The following FAM53B variants were observed in gnomAD, a reference collection of about 807,000 sequenced individuals.
FAM53B encodes protein FAM53B.
Under a neutral mutation model 32.7 loss-of-function variants are expected in FAM53B, and 12 were observed. The observed-to-expected ratio is 0.37, with a 90% CI of 0.24 to 0.59. The LOEUF (loss-of-function observed/expected upper bound fraction) is 0.59. Ranked by LOEUF, FAM53B falls within the 20% of genes least tolerant of loss-of-function variation. The pLI, the probability that FAM53B is intolerant of heterozygous loss-of-function variation, is 0.72. For synonymous variants in FAM53B, 234 were observed against 228.7 expected (o/e 1.02, Z -0.21); for missense variants, 477 against 577.7 (o/e 0.83, Z 1.79).
chr10:124,634,627 G>A (rs55904011), intron 4 of FAM53B, among the ~76,000 whole-genome samples: 57 of 152,274 alleles, frequency 3.7e-4, no homozygotes, highest in East Asian at 3.1e-3. Flanking sequence ...AGGCCTCCCC[G>A]GCCATGTGGA....
At chr10:124,647,086 C>T (rs1302333654) in intron 4 of FAM53B, among the ~76,000 whole-genome samples, 2 of 152,146 alleles carry the variant, frequency 1.3e-5, no homozygotes, top group African/African-American at 2.4e-5. Context: ...GACTGGTGAG[C>T]GGCACACACT....
At chr10:124,701,657 C>G (rs992096848) in intron 2 of FAM53B, among the ~76,000 whole-genome samples, 2 of 152,206 alleles carry the variant, frequency 1.3e-5, no homozygotes, top group African/African-American at 4.8e-5. Flanking sequence ...TGTTAGAACA[C>G]TGGAAGGAAG....
intron 4 of FAM53B, among the ~76,000 whole-genome samples, chr10:124,626,426 G>A (rs928230457): frequency 1.3e-5 from 2 of 151,282 alleles, no homozygotes; most frequent in East Asian, 2.0e-4. Context: ...GCAAAAGGTG[G>A]GGCCTCTGGG....
In FAM53B at chr10:124,706,644, G is replaced by A. The variant is rs200550066; in HGVS notation, c.70C>T (p.Arg24Cys). 1.5e-4 allele frequency: 238 copies of A among 1,614,172 alleles called. 1 individual carries two copies. The East Asian group carries it at 3.3e-3, about 23-fold the overall frequency. Reference protein sequence around the residue: ...ADSIACGTFSRELHTPKKMSQ... With the variant: ...ADSIACGTFSCELHTPKKMSQ... ...GCCTGCCAGGTCCTCACCAGTTCAC[G>A]GCTGAAGGTCCCACATGCAATGGAG... is the stretch of plus-strand genomic sequence containing the variant. Residue 24 changes from arginine to cysteine, a missense_variant, in exon 2 of 5, where the codon CGT becomes TGT. Arg to Cys is a radical substitution (Grantham distance 180). Around this residue, in one of 2 missense-constraint regions of FAM53B, gnomAD observed 312 missense variants for 420.2 expected, o/e 0.74. Transcript: ENST00000337318.
At chr10:124,700,518 C>T (rs1336929706) in intron 2 of FAM53B, among the ~76,000 whole-genome samples, 2 of 152,202 alleles carry the variant, frequency 1.3e-5, no homozygotes, top group Non-Finnish European at 2.9e-5. Flanking sequence ...CGTGAAGCCT[C>T]TGTTCCCGAG....
chr10:124,721,127 G>A (rs145964843), intron 1 of FAM53B, among the ~76,000 whole-genome samples: 6 of 152,332 alleles, frequency 3.9e-5, no homozygotes, highest in South Asian at 2.1e-4. Context: ...GCTTGAGTCC[G>A]AGAAGCGGAG....
At chr10:124,723,688 G>A (rs773226938) in intron 1 of FAM53B, among the ~76,000 whole-genome samples, 4 of 152,182 alleles carry the variant, frequency 2.6e-5, no homozygotes, top group South Asian at 2.1e-4. Context: ...GATGTGAGGC[G>A]GGCAGCACTT....
At chr10:124,656,283 C>T (rs1454281146) in intron 4 of FAM53B, among the ~76,000 whole-genome samples, 1 of 152,234 alleles carries the variant, frequency 6.6e-6, no homozygotes, top group Non-Finnish European at 1.5e-5. Context: ...TCTGGAGGCA[C>T]CCCAGGCCCC....
chr10:124,673,711 G>A (rs1418924812), intron 4 of FAM53B, among the ~76,000 whole-genome samples: 1 of 152,144 alleles, frequency 6.6e-6, no homozygotes, highest in East Asian at 1.9e-4. Context: ...GGGCATCTGT[G>A]GAGTCACTGG....
At chr10:124,631,706 T>C (rs1242196076) in intron 4 of FAM53B, among the ~76,000 whole-genome samples, 1 of 152,122 alleles carries the variant, frequency 6.6e-6, no homozygotes, top group Non-Finnish European at 1.5e-5. Flanking sequence ...CCACTCAGGC[T>C]CTGACTCCTT....
chr10:124,628,642 AGTGCCC>A (rs1219165230), intron 4 of FAM53B, among the ~76,000 whole-genome samples: 9 of 152,226 alleles, frequency 5.9e-5, no homozygotes, highest in Non-Finnish European at 1.2e-4. Context: ...AACCCACAGC[AGTGCCC>A]ACTCTCCACT....
chr10:124,682,936 C>T lies in FAM53B; in HGVS notation c.134-557G>A, dbSNP rs1949782338. Among the ~76,000 whole-genome samples, 1 of 152,242 alleles carries T rather than the reference C, an allele frequency of 6.6e-6. No homozygotes were observed. Among genetic ancestry groups the T allele is most frequent in the Non-Finnish European group, 1.5e-5 (1 of 68,048 alleles). ...GTTCACCCCAATTCCACCTTGAAAGCCTTTGCTGATAATAGAAGCTGGAAC... is the reference window on the plus strand; with the variant it reads ...GTTCACCCCAATTCCACCTTGAAAGTCTTTGCTGATAATAGAAGCTGGAAC... On this transcript the variant is annotated intron_variant, in intron 3 of 4. Transcript: ENST00000337318. This position sits in a 1 kb window ranked among gnomAD's most constrained non-coding sequence, Gnocchi z 5.2.
At chr10:124,690,794 C>CAT (rs778339899) in intron 3 of FAM53B, among the ~76,000 whole-genome samples, 1 of 151,932 alleles carries the variant, frequency 6.6e-6, no homozygotes, top group African/African-American at 2.4e-5. Context: ...CCTAAAAAGT[C>CAT]ATATATATAT....
intron 4 of FAM53B, among the ~76,000 whole-genome samples, chr10:124,670,422 C>T (rs913475980): frequency 5.9e-5 from 9 of 152,134 alleles, no homozygotes; most frequent in African/African-American, 2.2e-4. Flanking sequence ...GCATTCCAAC[C>T]CTGCGCTCCA....
intron 1 of FAM53B, among the ~76,000 whole-genome samples, chr10:124,715,516 C>T (rs536222728): frequency 6.6e-6 from 1 of 152,214 alleles, no homozygotes; most frequent in South Asian, 2.1e-4. Flanking sequence ...CCACTGCCAC[C>T]CTGTCCTTCT....
intron 3 of FAM53B, among the ~76,000 whole-genome samples, chr10:124,683,649 C>T (rs999340493): frequency 6.6e-6 from 1 of 152,156 alleles, no homozygotes; most frequent in Non-Finnish European, 1.5e-5. Context: ...ACAGCTAACA[C>T]CAGACAGGAT....
At chr10:124,700,275 T>C (rs2134080832) in intron 2 of FAM53B, among the ~76,000 whole-genome samples, 1 of 152,316 alleles carries the variant, frequency 6.6e-6, no homozygotes, top group Non-Finnish European at 1.5e-5. Context: ...ACATTCCCAC[T>C]GGTATTTACC....
chr10:124,649,844 G>A (rs1048327272), intron 4 of FAM53B, among the ~76,000 whole-genome samples: 3 of 152,166 alleles, frequency 2.0e-5, no homozygotes, highest in Admixed American at 1.3e-4. Flanking sequence ...GTCCCCATAA[G>A]CAACCAAATA....
chr10:124,675,044 T>C (rs1222139625), intron 4 of FAM53B, among the ~76,000 whole-genome samples: 2 of 152,190 alleles, frequency 1.3e-5, no homozygotes. Context: ...AAAAGCTGCC[T>C]CCTTAGCAGT....
Sources: gnomAD v4.1 joint callset for allele counts (sites outside exome capture counted in the v4.1 genomes callset) on GRCh38, gnomAD v4.1.1 for gene constraint, gnomAD v4.1.1 regional missense constraint, Gnocchi (gnomAD v3.1) non-coding constraint, MANE v1.5 for transcripts, NCBI Gene and HGNC (gene_info 2026-07-23, HGNC 2026-07-21) for gene names.